UBE2D2: variants seen among roughly 807,000 people sequenced by gnomAD.
UBE2D2 encodes the protein ubiquitin conjugating enzyme E2 D2.
Under a neutral mutation model 24.2 loss-of-function variants are expected in UBE2D2, and 2 were observed. That is an observed-to-expected ratio of 0.08 (90% CI 0.03 to 0.26). The LOEUF is 0.26. Among genes scored for constraint, UBE2D2 ranks in the 10% least tolerant of loss-of-function variants. The pLI, the probability that UBE2D2 is intolerant of heterozygous loss-of-function variation, is 1.00. For missense variants in UBE2D2, 44 were observed against 177.6 expected, an observed-to-expected ratio of 0.25 and a Z score of 4.28; for synonymous variants, 58 against 56.5, an observed-to-expected ratio of 1.03 and a Z score of -0.12.
chr5:139,610,743 G>C (rs763855473), intron 2 of UBE2D2, among the ~76,000 whole-genome samples: 1 of 151,922 alleles, frequency 6.6e-6, no homozygotes, highest in Non-Finnish European at 1.5e-5. Flanking sequence ...TATGGTCCCA[G>C]CTACTTGGGA....
chr5:139,545,341 T>C (rs1283849167), intron 1 of UBE2D2, among the ~76,000 whole-genome samples: 1 of 152,042 alleles, frequency 6.6e-6, no homozygotes, highest in Admixed American at 6.6e-5. Flanking sequence ...TAGCTGAGAC[T>C]ATAAGCATAT....
chr5:139,540,709 G>A (rs1050771103), intron 1 of UBE2D2, among the ~76,000 whole-genome samples: 1 of 152,204 alleles, frequency 6.6e-6, no homozygotes, highest in South Asian at 2.1e-4. Flanking sequence ...AAAAAGTTTG[G>A]GTCAGGCACG....
chr5:139,544,838 G>C (rs929059349), intron 1 of UBE2D2, among the ~76,000 whole-genome samples: 3 of 151,112 alleles, frequency 2.0e-5, no homozygotes, highest in Non-Finnish European at 4.4e-5. Context: ...GTGCAGTGGC[G>C]CGATCTCGGC....
chr5:139,609,420 G>T (rs1363085759), intron 2 of UBE2D2, among the ~76,000 whole-genome samples: 1 of 151,552 alleles, frequency 6.6e-6, no homozygotes, highest in African/African-American at 2.4e-5. Flanking sequence ...GCCCAGGCTG[G>T]AGTGCAATGG....
At position 139,590,367 on chromosome 5, in the gene UBE2D2, G is replaced by A. The variant is rs576635220; in HGVS notation, c.25-10005G>A. ...GGAGAATCGCTTGAACCCAGGAGGC[G>A]GAGGTTGCAGTGAGCTGAGATCACA... is the stretch of plus-strand genomic sequence containing the variant. On this transcript the variant is annotated intron_variant, in intron 1 of 6. Coordinates refer to ENST00000398733, the MANE Select transcript of UBE2D2 (RefSeq NM_003339.3). Among the ~76,000 whole-genome samples, 9 of 151,068 alleles carry A rather than the reference G, an allele frequency of 6.0e-5. No homozygotes were observed. The South Asian group carries it at 6.3e-4, about 11-fold the overall frequency.
In UBE2D2 at chr5:139,627,446, C is replaced by G. The variant is rs1754656306; in HGVS notation, c.*645C>G. 6.6e-6 allele frequency: 1 copy of G among 152,658 alleles called. No individual in the cohort carries two copies. Among genetic ancestry groups the G allele is most frequent in the African/African-American group, 2.4e-5 (1 of 41,432 alleles). 9.5% of individuals were successfully genotyped at this position (152,658 alleles called of 1,614,324 possible). A position where few individuals can be genotyped will look rare whatever the true frequency, so the allele number is the denominator to read the frequency against. Reference sequence around the variant, plus strand: ...ATCTCCCTACCCCTTCAACCTTTGGCCTTTCAGCCCTTCTTTCTCTCTTCC... The same window carrying G: ...ATCTCCCTACCCCTTCAACCTTTGGGCTTTCAGCCCTTCTTTCTCTCTTCC... On this transcript the variant is annotated 3_prime_UTR_variant, in exon 7 of 7. Coordinates refer to ENST00000398733, the MANE Select transcript of UBE2D2 (RefSeq NM_003339.3).
At chr5:139,585,525 G>T (rs1418008999) in intron 1 of UBE2D2, among the ~76,000 whole-genome samples, 2 of 152,028 alleles carry the variant, frequency 1.3e-5, no homozygotes, top group Non-Finnish European at 2.9e-5. Flanking sequence ...CCTGTGCCTG[G>T]CCTATAGACT....
rs766266617 is a variant in UBE2D2 at position 139,587,672 on chromosome 5, C to CAA, written c.25-12679_25-12678dup. Among the ~76,000 whole-genome samples the CAA allele has an allele frequency of 7.6e-3, 268 of 35,134 alleles. 5 individuals carry two copies. The highest frequency in any genetic ancestry group is 0.012 in the Middle Eastern group (1 of 84). 23.0% of individuals were successfully genotyped at this position (35,134 alleles called of 152,430 possible). A position where few individuals can be genotyped will look rare whatever the true frequency, so the allele number is the denominator to read the frequency against. ...TGGCCGACAGAGCAAGACCCCATCT[C>CAA]AAAAAAAAAAAAAAAAAAAAAACGG... On this transcript the variant is annotated intron_variant, in intron 1 of 6. Coordinates refer to ENST00000398733, the MANE Select transcript of UBE2D2 (RefSeq NM_003339.3).
At chr5:139,614,832 T>C in intron 4 of UBE2D2, 29 bp from the exon 5 acceptor site, 1 of 1,611,224 alleles carries the variant, frequency 6.2e-7, no homozygotes, top group South Asian at 1.1e-5. Context: ...AATAAACTAG[T>C]TTACAGAAAG....
At chr5:139,533,657 A>AAAAAG (rs370279515) in intron 1 of UBE2D2, among the ~76,000 whole-genome samples, 24 of 148,754 alleles carry the variant, frequency 1.6e-4, no homozygotes, top group South Asian at 4.2e-4. Context: ...GTCTCAAAAA[A>AAAAAG]AAAAGAAAAG....
rs117155700 is a variant in UBE2D2, at chr5:139,577,754, C to T, written c.24+15939C>T. Among the ~76,000 whole-genome samples the T allele has an allele frequency of 1.8e-3, 281 of 152,240 alleles. 7 individuals carry two copies. The East Asian group carries it at 0.043, about 23-fold the overall frequency. ...GCATCTCTTTAAGGTCTCCACTATCCACCTATATTAAGTAGCACAGAAACA... is the reference window on the plus strand; with the variant it reads ...GCATCTCTTTAAGGTCTCCACTATCTACCTATATTAAGTAGCACAGAAACA... On this transcript the variant is annotated intron_variant, in intron 1 of 6. Coordinates refer to ENST00000398733, the MANE Select transcript of UBE2D2 (RefSeq NM_003339.3).
intron 1 of UBE2D2, among the ~76,000 whole-genome samples, chr5:139,550,423 G>T (rs753389672): frequency 2.6e-5 from 4 of 152,200 alleles, no homozygotes; most frequent in Non-Finnish European, 4.4e-5. Context: ...TCTGTAAAAT[G>T]GACCAATCAG....
chr5:139,537,005 C>T (rs1375043443), intron 1 of UBE2D2, among the ~76,000 whole-genome samples: 2 of 151,834 alleles, frequency 1.3e-5, no homozygotes, highest in Non-Finnish European at 2.9e-5. Context: ...TGGTGAAACC[C>T]CGTTTCTACT....
intron 5 of UBE2D2, among the ~76,000 whole-genome samples, chr5:139,615,222 T>C (rs376311267): frequency 2.6e-4 from 39 of 152,316 alleles, no homozygotes; most frequent in East Asian, 2.5e-3. Flanking sequence ...CCGTGGCTCA[T>C]GCCTGTAATC....
At chr5:139,623,999 T>C (rs1196321043) in intron 6 of UBE2D2, among the ~76,000 whole-genome samples, 2 of 152,154 alleles carry the variant, frequency 1.3e-5, no homozygotes, top group East Asian at 1.9e-4. Flanking sequence ...ACAAAAACTT[T>C]CCTATGGTAT....
chr5:139,597,784 A>C (rs1753988799), intron 1 of UBE2D2, among the ~76,000 whole-genome samples: 1 of 152,230 alleles, frequency 6.6e-6, no homozygotes, highest in Non-Finnish European at 1.5e-5. Context: ...ACAGTAGGCT[A>C]TTACTTTTTT....
rs201664736 is a variant in UBE2D2, at chr5:139,600,389, A to G, written c.42A>G (p.Ala14=). 1 of 1,614,126 alleles carries G rather than the reference A, an allele frequency of 6.2e-7. No homozygotes were observed. Among genetic ancestry groups the G allele is most frequent in the East Asian group, 2.2e-5 (1 of 44,882 alleles). Residue 14 remains alanine, a synonymous_variant, in exon 2 of 7, where the codon GCA becomes GCG. Coordinates refer to ENST00000398733, the MANE Select transcript of UBE2D2 (RefSeq NM_003339.3). ...TTCTGTAGGAATTGAATGATCTGGCACGGGACCCTCCAGCACAGTGTTCAG... is the reference window on the plus strand; with the variant it reads ...TTCTGTAGGAATTGAATGATCTGGCGCGGGACCCTCCAGCACAGTGTTCAG... ...KRIHKELNDL[A]RDPPAQCSAG... is the part of the protein sequence containing the mutation.
intron 2 of UBE2D2, among the ~76,000 whole-genome samples, chr5:139,610,745 T>C (rs913760337): frequency 3.3e-5 from 5 of 151,794 alleles, no homozygotes; most frequent in African/African-American, 1.2e-4. Flanking sequence ...TGGTCCCAGC[T>C]ACTTGGGAGG....
chr5:139,533,971 C>A (rs1300818435), intron 1 of UBE2D2, among the ~76,000 whole-genome samples: 1 of 151,408 alleles, frequency 6.6e-6, no homozygotes, highest in Non-Finnish European at 1.5e-5. Flanking sequence ...TTAGTAGAGA[C>A]ACGGTTTCAC....
Sources: gnomAD v4.1 joint callset for allele counts (sites outside exome capture counted in the v4.1 genomes callset) on GRCh38, gnomAD v4.1.1 for gene constraint, MANE v1.5 for transcripts, NCBI Gene and HGNC (gene_info 2026-07-23, HGNC 2026-07-21) for gene names.